RASSF3: variants seen among roughly 807,000 people sequenced by gnomAD.
The protein encoded by RASSF3 is Ras association domain family member 3, also known as ras association domain-containing protein 3.
A neutral mutation model predicts 19.9 loss-of-function variants in RASSF3; 19 were observed. That is an observed-to-expected ratio of 0.96 (90% CI 0.67 to 1.40). The LOEUF (loss-of-function observed/expected upper bound fraction) is 1.40. RASSF3 is among the 40% of genes most tolerant of loss of function. The pLI, the probability that RASSF3 is intolerant of heterozygous loss-of-function variation, is 0.00. For missense variants in RASSF3, 306 were observed against 289.8 expected (o/e 1.06, Z -0.41); for synonymous variants, 110 against 104.2 (o/e 1.06, Z -0.34).
intron 1 of RASSF3, among the ~76,000 whole-genome samples, chr12:64,625,711 A>C (rs1188823684): frequency 6.6e-6 from 1 of 151,884 alleles, no homozygotes; most frequent in Non-Finnish European, 1.5e-5. Flanking sequence ...TGCTGTCCTT[A>C]GAGTCCAGTT....
At chr12:64,595,197 A>G (rs1308125674) in intron 2 of RASSF3, among the ~76,000 whole-genome samples, 1 of 148,800 alleles carries the variant, frequency 6.7e-6, no homozygotes, top group Non-Finnish European at 1.5e-5. Flanking sequence ...CCTCCTGAGT[A>G]GCTAGGACTA....
At chr12:64,649,909 G>A (rs1202065082) in intron 1 of RASSF3, among the ~76,000 whole-genome samples, 4 of 152,168 alleles carry the variant, frequency 2.6e-5, no homozygotes, top group Non-Finnish European at 5.9e-5. Flanking sequence ...ACTTTTTACT[G>A]TTTCTCCCAG....
rs767868596 is a variant in RASSF3, at chr12:64,688,279, A to G, written c.283A>G (p.Thr95Ala). ...GATGGAACTCTGCAAACCTCCACAG[A>G]CTTCTCCAAATTCTGGAAAACTCTC... Reference protein sequence around the residue: ...VQMELCKPPQTSPNSGKLSPS... With the variant: ...VQMELCKPPQASPNSGKLSPS... The change falls in exon 3 of 5, where the codon ACT (threonine) becomes GCT (alanine). Residue 95 changes from threonine (T) to alanine (A), a missense_variant. By Grantham distance (58) the Thr-to-Ala change is moderately conservative (BLOSUM62 0). Coordinates refer to ENST00000542104, the MANE Select transcript of RASSF3 (RefSeq NM_178169.4). 6.2e-7 allele frequency: 1 copy of G among 1,614,144 alleles called. No homozygotes were observed. The highest frequency in any genetic ancestry group is 1.1e-5 in the South Asian group (1 of 91,088).
chr12:64,598,115 C>T (rs1870025348), intron 2 of RASSF3, among the ~76,000 whole-genome samples: 1 of 152,116 alleles, frequency 6.6e-6, no homozygotes, highest in Admixed American at 6.6e-5. Flanking sequence ...GATGGGGTTT[C>T]ACCATGTTGG....
chr12:64,519,923 C>G (rs1326160355), intron 1 of RASSF3, among the ~76,000 whole-genome samples: 2 of 152,004 alleles, frequency 1.3e-5, no homozygotes, highest in East Asian at 3.9e-4. Flanking sequence ...GAACAAAACT[C>G]CCTAGGTCCA....
chr12:64,604,730 C>G (rs1487443449), intron 2 of RASSF3, among the ~76,000 whole-genome samples: 2 of 151,660 alleles, frequency 1.3e-5, no homozygotes, highest in Non-Finnish European at 2.9e-5. Context: ...CTCCGCCTCC[C>G]GGGTTCACGT....
At chr12:64,573,074 C>T (rs979652780) in intron 2 of RASSF3, among the ~76,000 whole-genome samples, 2 of 152,118 alleles carry the variant, frequency 1.3e-5, no homozygotes, top group Non-Finnish European at 2.9e-5. Context: ...TTCTTCTTGC[C>T]AGGTATGGTG....
intron 2 of RASSF3, among the ~76,000 whole-genome samples, chr12:64,584,503 G>GAAAAAA (rs11461888): frequency 8.9e-6 from 1 of 112,708 alleles, no homozygotes. Context: ...TCCAGGCTAA[G>GAAAAAA]AAAAAAAAAA....
At chr12:64,673,350 G>C (rs767834532) in intron 1 of RASSF3, among the ~76,000 whole-genome samples, 4 of 152,110 alleles carry the variant, frequency 2.6e-5, no homozygotes, top group Non-Finnish European at 4.4e-5. Flanking sequence ...CTTGGCAATC[G>C]TCTTTATTAA....
intron 2 of RASSF3, among the ~76,000 whole-genome samples, chr12:64,598,749 T>TA (rs1870037334): frequency 2.6e-5 from 4 of 152,048 alleles, no homozygotes; most frequent in African/African-American, 7.2e-5. Context: ...TTTTTTTTTT[T>TA]AAATTATACT....
At chr12:64,665,712 G>A (rs376096816) in intron 1 of RASSF3, among the ~76,000 whole-genome samples, 5 of 152,138 alleles carry the variant, frequency 3.3e-5, no homozygotes, top group East Asian at 3.8e-4. Flanking sequence ...TTAAAAATGG[G>A]CATAAATATG....
chr12:64,657,975 C>G (rs962013881), intron 1 of RASSF3, among the ~76,000 whole-genome samples: 1 of 152,036 alleles, frequency 6.6e-6, no homozygotes, highest in Non-Finnish European at 1.5e-5. Flanking sequence ...TCATTTTAGC[C>G]CAGGAAGTTG....
chr12:64,667,997 G>A (rs1219579360), intron 1 of RASSF3, among the ~76,000 whole-genome samples: 1 of 152,216 alleles, frequency 6.6e-6, no homozygotes, highest in Non-Finnish European at 1.5e-5. Flanking sequence ...GGGCTCTAGA[G>A]GCCTTTGGTC....
intron 2 of RASSF3, among the ~76,000 whole-genome samples, chr12:64,560,335 C>A (rs1034374426): frequency 1.3e-5 from 2 of 152,184 alleles, no homozygotes; most frequent in Non-Finnish European, 2.9e-5. Context: ...AGAGGAGGAC[C>A]CTTTTTTAAG....
intron 2 of RASSF3, among the ~76,000 whole-genome samples, chr12:64,687,659 T>G (rs59270299): frequency 6.6e-6 from 1 of 152,076 alleles, no homozygotes; most frequent in Non-Finnish European, 1.5e-5. Flanking sequence ...CATTAAAAAG[T>G]TTAAGCAGAG....
upstream of RASSF3, among the ~76,000 whole-genome samples, chr12:64,528,464 A>G (rs1187451719): frequency 6.6e-6 from 1 of 152,228 alleles, no homozygotes; most frequent in Non-Finnish European, 1.5e-5. Context: ...TGGAAAAGCC[A>G]GAAATACAGG....
At position 64,624,916 on chromosome 12, in the gene RASSF3, C is replaced by T. The variant is rs143644344; in HGVS notation, c.111+14173C>T. On this transcript the variant is annotated intron_variant, in intron 1 of 4. Coordinates refer to ENST00000542104, the MANE Select transcript of RASSF3 (RefSeq NM_178169.4). ...TCTCCTGACTTCGCGATCTGCCCGCCTCGGCCTCCCAAAGTGCTGGGATTA... is the reference window on the plus strand; with the variant it reads ...TCTCCTGACTTCGCGATCTGCCCGCTTCGGCCTCCCAAAGTGCTGGGATTA... Among the ~76,000 whole-genome samples, 251 of 152,092 alleles carry T rather than the reference C, an allele frequency of 1.7e-3. 1 individual carries two copies. Among genetic ancestry groups the T allele is most frequent in the African/African-American group, 5.4e-3 (226 of 41,478 alleles).
intron 1 of RASSF3, among the ~76,000 whole-genome samples, chr12:64,633,612 A>G (rs2136175260): frequency 6.6e-6 from 1 of 152,302 alleles, no homozygotes; most frequent in Non-Finnish European, 1.5e-5. Context: ...TCTTTTCTTT[A>G]TAAATTACCT....
At chr12:64,595,064 C>CTTTTTTTTTTT (rs1171762487) in intron 2 of RASSF3, among the ~76,000 whole-genome samples, 6 of 90,950 alleles carry the variant, frequency 6.6e-5, no homozygotes, top group Non-Finnish European at 1.2e-4. Context: ...CATATGAAAT[C>CTTTTTTTTTTT]TTTTTTTTTT....
Sources: gnomAD v4.1 joint callset for allele counts (sites outside exome capture counted in the v4.1 genomes callset) on GRCh38, gnomAD v4.1.1 for gene constraint, MANE v1.5 for transcripts, NCBI Gene and HGNC (gene_info 2026-07-23, HGNC 2026-07-21) for gene names.